CAMK4: variants seen among roughly 807,000 people sequenced by gnomAD.
CAMK4 encodes the protein calcium/calmodulin-dependent protein kinase type IV.
A neutral mutation model predicts 44.9 loss-of-function variants in CAMK4; 22 were observed. That is an observed-to-expected ratio of 0.49 (90% CI 0.35 to 0.70). CAMK4 has a LOEUF of 0.70. CAMK4 is among the 30% of genes least tolerant of loss of function. The probability of loss-of-function intolerance (pLI) is 0.01; values close to 1 mark genes in which losing one functional copy is unlikely to be tolerated. For synonymous variants in CAMK4, 218 were observed against 215.4 expected (o/e 1.01, Z -0.11); for missense variants, 498 against 586.8 (o/e 0.85, Z 1.56).
At chr5:111,267,774 C>T (rs1387096055) in intron 1 of CAMK4, among the ~76,000 whole-genome samples, 1 of 151,164 alleles carries the variant, frequency 6.6e-6, no homozygotes. Context: ...ATTAGAATAT[C>T]CCACGTTACA....
chr5:111,431,401 G>A (rs1298908864), intron 5 of CAMK4, among the ~76,000 whole-genome samples: 2 of 152,072 alleles, frequency 1.3e-5, no homozygotes, highest in African/African-American at 4.8e-5. Flanking sequence ...CTCAAACTAT[G>A]AAACTACTAC....
At chr5:111,266,739 T>C (rs974852251) in intron 1 of CAMK4, among the ~76,000 whole-genome samples, 2 of 152,234 alleles carry the variant, frequency 1.3e-5, no homozygotes, top group African/African-American at 4.8e-5. Context: ...TAGATCTCAC[T>C]CAAATATTTT....
chr5:111,292,035 C>T (rs967826122), intron 1 of CAMK4, among the ~76,000 whole-genome samples: 5 of 152,150 alleles, frequency 3.3e-5, no homozygotes, highest in Admixed American at 6.5e-5. Flanking sequence ...ATTCCAACAT[C>T]CTGCACCAAA....
chr5:111,349,907 A>G lies in CAMK4; in HGVS notation c.240+5805A>G, dbSNP rs115141791. 5.5e-3 allele frequency among the ~76,000 whole-genome samples: 844 copies of G among 152,132 alleles called. 9 individuals are homozygous for G. The highest frequency in any genetic ancestry group is 0.019 in the African/African-American group (782 of 41,576). On this transcript the variant is annotated intron_variant, in intron 2 of 10. Transcript: ENST00000282356. ...TAGCTCAACTCTTGGAAAAGCTTGT[A>G]TTAATCTAACTATAAAATACATGCC...
At chr5:111,480,288 A>ACACACACACACACACC (rs1364533152) in intron 9 of CAMK4, among the ~76,000 whole-genome samples, 71 of 145,220 alleles carry the variant, frequency 4.9e-4, no homozygotes, top group African/African-American at 1.8e-3. Flanking sequence ...ACACACACAC[A>ACACACACACACACACC]CCCCTGGGTA....
At position 111,376,885 on chromosome 5, in the gene CAMK4, C is replaced by A. The variant is rs1399024556; in HGVS notation, c.329C>A (p.Thr110Asn). ...NIIKLKEIFE[T>N]PTEISLVLEL... ...ATAAAACTTAAAGAGATATTTGAAA[C>A]CCCTACAGAAATCAGTCTGGTCCTA... Residue 110 changes from threonine (T) to asparagine (N), a missense_variant, in exon 4 of 11, where the codon ACC becomes AAC. Physicochemically the swap from Thr to Asn is moderately conservative, Grantham distance 65. Around this residue, in one of 3 missense-constraint regions of CAMK4, gnomAD observed 152 missense variants for 143.7 expected, o/e 1.06. Coordinates refer to ENST00000282356, the MANE Select transcript of CAMK4 (RefSeq NM_001744.6). 1.2e-6 allele frequency: 2 copies of A among 1,601,746 alleles called. No individual in the cohort carries two copies. Among genetic ancestry groups the A allele is most frequent in the Admixed American group, 1.7e-5 (1 of 59,510 alleles).
chr5:111,288,461 G>A (rs1315755888), intron 1 of CAMK4, among the ~76,000 whole-genome samples: 1 of 152,032 alleles, frequency 6.6e-6, no homozygotes, highest in Non-Finnish European at 1.5e-5. Flanking sequence ...TCACATCTTT[G>A]CCATATCACA....
intron 7 of CAMK4, among the ~76,000 whole-genome samples, chr5:111,469,176 T>TAC (rs1754973562): frequency 2.8e-5 from 1 of 36,274 alleles, no homozygotes. Flanking sequence ...AAAAAAAATA[T>TAC]ATATATATAT....
intron 1 of CAMK4, among the ~76,000 whole-genome samples, chr5:111,248,375 T>C (rs61342963): frequency 0.011 from 1,687 of 152,302 alleles, 32 homozygotes; most frequent in African/African-American, 0.039. Context: ...GAGATTTTCT[T>C]ACTGTGGGGA....
At chr5:111,354,733 A>G (rs1750262412) in intron 2 of CAMK4, among the ~76,000 whole-genome samples, 1 of 152,028 alleles carries the variant, frequency 6.6e-6, no homozygotes, top group South Asian at 2.1e-4. Context: ...CAAAATAAAT[A>G]AGACTCCTTT....
chr5:111,485,104 A>T lies in CAMK4; in HGVS notation c.*638A>T, dbSNP rs905673739. The T allele has an allele frequency of 1.4e-4, 21 of 152,186 alleles. No homozygotes were observed. The highest frequency in any genetic ancestry group is 4.8e-4 in the African/African-American group (20 of 41,448). 9.4% of individuals were successfully genotyped at this position (152,186 alleles called of 1,614,324 possible). A position where few individuals can be genotyped will look rare whatever the true frequency, so the allele number is the denominator to read the frequency against. ...TCTTATTTATATACACTATATTAAT[A>T]ATAACCAAAATGTTCTAAGATTCTG... On this transcript the variant is annotated 3_prime_UTR_variant, in exon 11 of 11. Coordinates refer to ENST00000282356, the MANE Select transcript of CAMK4 (RefSeq NM_001744.6).
chr5:111,397,689 G>T (rs1477988123), intron 5 of CAMK4, among the ~76,000 whole-genome samples: 1 of 128,150 alleles, frequency 7.8e-6, no homozygotes, highest in African/African-American at 3.2e-5. Flanking sequence ...GTGTGTGTGT[G>T]TGTTTGCAGT....
intron 1 of CAMK4, among the ~76,000 whole-genome samples, chr5:111,238,379 A>G (rs1306089217): frequency 3.9e-5 from 6 of 152,118 alleles, no homozygotes; most frequent in African/African-American, 1.4e-4. Context: ...ATGAGGCATT[A>G]GTGCTCTTAT....
At chr5:111,373,427 ATATATT>A (rs3985070) in intron 2 of CAMK4, among the ~76,000 whole-genome samples, 133,346 of 151,830 alleles carry the variant, frequency 0.88, 58,768 homozygotes, top group East Asian at 1. Flanking sequence ...TAAATGTAAA[ATATATT>A]TATATGTTGC....
chr5:111,396,832 G>T (rs1752031390), intron 5 of CAMK4, among the ~76,000 whole-genome samples: 1 of 150,966 alleles, frequency 6.6e-6, no homozygotes, highest in South Asian at 2.1e-4. Context: ...GTAGAGATGG[G>T]GTTTTACCAC....
intron 5 of CAMK4, among the ~76,000 whole-genome samples, chr5:111,445,274 C>A (rs181984082): frequency 1.3e-5 from 2 of 151,958 alleles, no homozygotes; most frequent in Admixed American, 1.3e-4. Flanking sequence ...TAAACTGATA[C>A]GAAGGTAAGC....
intron 1 of CAMK4, among the ~76,000 whole-genome samples, chr5:111,259,070 A>G (rs1041803601): frequency 2.0e-5 from 3 of 152,126 alleles, no homozygotes; most frequent in Non-Finnish European, 2.9e-5. Context: ...ACCTTTTCCA[A>G]TTCTACTCTC....
At chr5:111,423,558 A>G (rs1050639718) in intron 5 of CAMK4, among the ~76,000 whole-genome samples, 1 of 152,172 alleles carries the variant, frequency 6.6e-6, no homozygotes, top group Non-Finnish European at 1.5e-5. Flanking sequence ...CCTCTTGCCT[A>G]TAAAATTGCT....
chr5:111,448,372 AT>A (rs1299922916), intron 6 of CAMK4, among the ~76,000 whole-genome samples: 3 of 152,068 alleles, frequency 2.0e-5, no homozygotes, highest in Non-Finnish European at 2.9e-5. Flanking sequence ...ATGAAAGTCT[AT>A]TTTTTTTCTC....
Sources: gnomAD v4.1 joint callset for allele counts (sites outside exome capture counted in the v4.1 genomes callset) on GRCh38, gnomAD v4.1.1 for gene constraint, gnomAD v4.1.1 regional missense constraint, MANE v1.5 for transcripts, NCBI Gene and HGNC (gene_info 2026-07-23, HGNC 2026-07-21) for gene names.